Variants in CSNK1G1 observed in about 807,000 individuals in gnomAD.
CSNK1G1 encodes the protein casein kinase 1 gamma 1, also known as casein kinase I isoform gamma-1.
Under a neutral mutation model 59.6 loss-of-function variants are expected in CSNK1G1, and 22 were observed. The observed-to-expected ratio is 0.37, with a 90% CI of 0.26 to 0.53. The LOEUF (loss-of-function observed/expected upper bound fraction) is 0.53. Ranked by LOEUF, CSNK1G1 falls within the 20% of genes least tolerant of loss-of-function variation. The probability of loss-of-function intolerance (pLI) is 0.89; values close to 1 mark genes in which losing one functional copy is unlikely to be tolerated. For missense variants in CSNK1G1, 384 were observed against 519.5 expected (o/e 0.74, Z 2.54); for synonymous variants, 179 against 177.1 (o/e 1.01, Z -0.08).
At chr15:64,346,417 C>T (rs965389938) in intron 1 of CSNK1G1, among the ~76,000 whole-genome samples, 1 of 140,652 alleles carries the variant, frequency 7.1e-6, no homozygotes, top group Non-Finnish European at 1.5e-5. Context: ...GGTTTGGAAA[C>T]GAGTTTTTAT....
At chr15:64,308,679 G>A (rs1895823327) in intron 1 of CSNK1G1, among the ~76,000 whole-genome samples, 2 of 151,914 alleles carry the variant, frequency 1.3e-5, no homozygotes, top group African/African-American at 2.4e-5. Context: ...GGTGGATCAC[G>A]AGGTCAGGAG....
chr15:64,316,587 A>G (rs944537386), intron 1 of CSNK1G1, among the ~76,000 whole-genome samples: 3 of 151,860 alleles, frequency 2.0e-5, no homozygotes, highest in African/African-American at 7.2e-5. Context: ...CAGCTTGTCT[A>G]TCATAAAGGG....
chr15:64,175,151 A>G (rs2081727156), intron 11 of CSNK1G1, among the ~76,000 whole-genome samples: 1 of 152,106 alleles, frequency 6.6e-6, no homozygotes, highest in Non-Finnish European at 1.5e-5. Context: ...CATGTTTGCA[A>G]AACAAATAGC....
Position 64,300,661 on chromosome 15 carries a change from A to G in CSNK1G1, c.-162T>C. The G allele has an allele frequency of 7.8e-7, 1 of 1,281,250 alleles. No homozygotes were observed. The highest frequency in any genetic ancestry group is 2.9e-5 in the East Asian group (1 of 34,492). 79.4% of individuals were successfully genotyped at this position (1,281,250 alleles called of 1,614,324 possible). A position where few individuals can be genotyped will look rare whatever the true frequency, so the allele number is the denominator to read the frequency against. ...ATGTATCTCCGGGAGATGAAAAACC[A>G]TTTATTTGTTCCCGTAGGAAATGTA... On this transcript the variant is annotated 5_prime_UTR_variant, in exon 2 of 12. An upstream start codon of the reference 5' UTR is lost. Coordinates refer to ENST00000303052, the MANE Select transcript of CSNK1G1 (RefSeq NM_022048.5).
intron 1 of CSNK1G1, among the ~76,000 whole-genome samples, chr15:64,336,418 C>T (rs988692256): frequency 6.6e-6 from 1 of 152,140 alleles, no homozygotes; most frequent in Admixed American, 6.5e-5. Context: ...GCTACCTGCA[C>T]TCAATACTTA....
intron 10 of CSNK1G1, among the ~76,000 whole-genome samples, chr15:64,186,650 T>C (rs2081899990): frequency 1.3e-5 from 2 of 151,992 alleles, no homozygotes; most frequent in Non-Finnish European, 2.9e-5. Context: ...GCCAGGACTA[T>C]AGGCACATAG....
At chr15:64,254,912 T>C (rs906183570) in intron 3 of CSNK1G1, among the ~76,000 whole-genome samples, 1 of 152,172 alleles carries the variant, frequency 6.6e-6, no homozygotes, top group African/African-American at 2.4e-5. Flanking sequence ...TCTAGTAAAA[T>C]ATTATAGTTT....
intron 1 of CSNK1G1, among the ~76,000 whole-genome samples, chr15:64,322,391 C>A (rs1896611266): frequency 6.6e-6 from 1 of 151,990 alleles, no homozygotes; most frequent in Admixed American, 6.5e-5. Flanking sequence ...CTACATTGCC[C>A]AAGGTCTTAC....
At chr15:64,258,304 G>T (rs1297889035) in intron 3 of CSNK1G1, among the ~76,000 whole-genome samples, 1 of 151,666 alleles carries the variant, frequency 6.6e-6, no homozygotes, top group East Asian at 1.9e-4. Flanking sequence ...GATTGCTTGA[G>T]CCCAGGAGGC....
intron 2 of CSNK1G1, among the ~76,000 whole-genome samples, chr15:64,263,032 T>C (rs1892780617): frequency 8.2e-6 from 1 of 122,324 alleles, no homozygotes. Context: ...TGAGCGGAGA[T>C]CACACGACTG....
intron 1 of CSNK1G1, among the ~76,000 whole-genome samples, chr15:64,349,865 A>G (rs1291296724): frequency 2.0e-5 from 3 of 151,806 alleles, no homozygotes; most frequent in Non-Finnish European, 2.9e-5. Context: ...ACTTGAGCTC[A>G]GGAGTTCAAG....
chr15:64,274,172 G>A (rs960464791), intron 2 of CSNK1G1, among the ~76,000 whole-genome samples: 2 of 148,734 alleles, frequency 1.3e-5, no homozygotes, highest in South Asian at 2.1e-4. Flanking sequence ...GGCACTGGAG[G>A]TGACTTGATA....
At chr15:64,207,252 C>A (rs2082194833) in intron 7 of CSNK1G1, among the ~76,000 whole-genome samples, 1 of 152,108 alleles carries the variant, frequency 6.6e-6, no homozygotes, top group Admixed American at 6.5e-5. Context: ...GCCAATAATC[C>A]TTTTTGTGTG....
At chr15:64,336,003 T>G (rs1283025284) in intron 1 of CSNK1G1, 1 of 152,204 alleles carries the variant, frequency 6.6e-6, no homozygotes, top group Admixed American at 6.5e-5. Flanking sequence ...CTCAATAAAT[T>G]TATGGAGCAT....
At chr15:64,311,288 C>T (rs1042550701) in intron 1 of CSNK1G1, among the ~76,000 whole-genome samples, 11 of 151,982 alleles carry the variant, frequency 7.2e-5, no homozygotes, top group African/African-American at 2.2e-4. Flanking sequence ...TCAGGTGATC[C>T]GCCTGCCTCA....
At chr15:64,333,959 T>C (rs1441559637) in intron 1 of CSNK1G1, among the ~76,000 whole-genome samples, 2 of 152,130 alleles carry the variant, frequency 1.3e-5, no homozygotes, top group Non-Finnish European at 2.9e-5. Flanking sequence ...ATGGGGGACT[T>C]CAACACTCCA....
chr15:64,274,905 C>T (rs1004461165), intron 2 of CSNK1G1, among the ~76,000 whole-genome samples: 5 of 152,154 alleles, frequency 3.3e-5, no homozygotes, highest in Non-Finnish European at 5.9e-5. Context: ...CTACCTAGAA[C>T]TTGTAAAAAA....
intron 2 of CSNK1G1, among the ~76,000 whole-genome samples, chr15:64,272,089 T>G (rs1204662147): frequency 6.6e-6 from 1 of 152,206 alleles, no homozygotes; most frequent in African/African-American, 2.4e-5. Flanking sequence ...TTTTCTATTT[T>G]CCATTTGCTT....
At chr15:64,349,250 A>G (rs1898148227) in intron 1 of CSNK1G1, among the ~76,000 whole-genome samples, 1 of 152,150 alleles carries the variant, frequency 6.6e-6, no homozygotes, top group African/African-American at 2.4e-5. Flanking sequence ...AGCAGCAGAA[A>G]TCCATGGGGA....
Sources: allele counts gnomAD v4.1 joint callset (sites outside exome capture counted in the v4.1 genomes callset), GRCh38; gene constraint gnomAD v4.1.1; transcripts MANE v1.5; gene names NCBI Gene and HGNC (gene_info 2026-07-23, HGNC 2026-07-21).